TRPM3: variants seen among roughly 807,000 people sequenced by gnomAD.
TRPM3 encodes the protein transient receptor potential cation channel subfamily M member 3.
TRPM3 carries 77 observed loss-of-function variants against 181.2 expected under a neutral mutation model. The ratio of observed to expected loss-of-function variants is 0.42; its 90% CI spans 0.35 to 0.51. The LOEUF (loss-of-function observed/expected upper bound fraction) is 0.51. Among genes scored for constraint, TRPM3 ranks in the 20% least tolerant of loss-of-function variants. The pLI is 0.01. For synonymous variants in TRPM3, 745 were observed against 796.4 expected, an observed-to-expected ratio of 0.94 and a Z score of 1.09; for missense variants, 1,759 against 2,196.7, an observed-to-expected ratio of 0.80 and a Z score of 3.98.
At chr9:70,633,458 G>C (rs572372717) in intron 12 of TRPM3, among the ~76,000 whole-genome samples, 1 of 152,288 alleles carries the variant, frequency 6.6e-6, no homozygotes, top group South Asian at 2.1e-4. Context: ...AGTGGTTGTT[G>C]AGTTGGGAGT....
intron 1 of TRPM3, among the ~76,000 whole-genome samples, chr9:71,303,111 AC>A (rs34065498): frequency 6.6e-6 from 1 of 151,970 alleles, no homozygotes; most frequent in African/African-American, 2.4e-5. Flanking sequence ...CTTCCTGGAC[AC>A]CCCACCCCAT....
At chr9:70,545,349 C>T (rs1363240925) in intron 25 of TRPM3, among the ~76,000 whole-genome samples, 1 of 151,976 alleles carries the variant, frequency 6.6e-6, no homozygotes, top group African/African-American at 2.4e-5. Context: ...TTAGGCACCA[C>T]GTTTAAAAGA....
At chr9:70,664,663 T>G (rs2061593579) in intron 9 of TRPM3, among the ~76,000 whole-genome samples, 1 of 132,706 alleles carries the variant, frequency 7.5e-6, no homozygotes. Flanking sequence ...TTTTTTTTTT[T>G]TTTTTGAGAC....
At chr9:71,158,148 GA>G (rs1302469473) in intron 1 of TRPM3, among the ~76,000 whole-genome samples, 2 of 152,066 alleles carry the variant, frequency 1.3e-5, no homozygotes, top group Non-Finnish European at 2.9e-5. Flanking sequence ...AGCACAAAAA[GA>G]AAAGATCCTA....
intron 1 of TRPM3, among the ~76,000 whole-genome samples, chr9:71,062,192 C>T (rs752653427): frequency 6.6e-6 from 1 of 152,108 alleles, no homozygotes; most frequent in Admixed American, 6.6e-5. Flanking sequence ...ACCCCCAATG[C>T]TACTTCCCTA....
chr9:71,282,573 AT>A (rs890291056), intron 1 of TRPM3, among the ~76,000 whole-genome samples: 33 of 151,962 alleles, frequency 2.2e-4, no homozygotes, highest in Non-Finnish European at 4.6e-4. Flanking sequence ...TAAAATTGTT[AT>A]TTTTTTTAGA....
intron 1 of TRPM3, among the ~76,000 whole-genome samples, chr9:71,282,835 T>C (rs1203442330): frequency 6.6e-6 from 1 of 152,150 alleles, no homozygotes; most frequent in Non-Finnish European, 1.5e-5. Flanking sequence ...CAATAAGACC[T>C]AAGGTATGTG....
Position 71,443,305 on chromosome 9 carries a change from G to A in TRPM3, c.183+3348C>T, listed in dbSNP as rs192017038. 1.2e-4 allele frequency among the ~76,000 whole-genome samples: 18 copies of A among 151,846 alleles called. No individual in the cohort carries two copies. The East Asian group carries it at 3.1e-3, about 26-fold the overall frequency. On this transcript the variant is annotated intron_variant, in intron 1 of 24. Transcript: ENST00000357533. ...AACCATGAAGCCTTAAAATATGGGA[G>A]AGAAGATGTTTCCTGAATTACAAAA... is the stretch of plus-strand genomic sequence containing the variant.
chr9:70,643,253 A>C (rs1037895122), intron 9 of TRPM3, among the ~76,000 whole-genome samples: 1 of 152,208 alleles, frequency 6.6e-6, no homozygotes, highest in African/African-American at 2.4e-5. Flanking sequence ...TTGCGATTGC[A>C]TTTGGAAAGG....
At position 70,938,066 on chromosome 9, in the gene TRPM3, CTGTTAGGATG is replaced by C. The variant is rs1261923102; in HGVS notation, c.178-73565_178-73556del. ...TAACCATTTTTCAGGACTTCGAAAT[CTGTTAGGATG>C]TGGAATAGGACATGGGTCTGTATCA... On this transcript the variant is annotated intron_variant, in intron 1 of 25. Coordinates refer to ENST00000677713, the MANE Select transcript of TRPM3 (RefSeq NM_001366145.2). Among the ~76,000 whole-genome samples the C allele has an allele frequency of 5.9e-5, 9 of 152,278 alleles. No homozygotes were observed. The South Asian group carries it at 1.9e-3, about 32-fold the overall frequency.
intron 1 of TRPM3, among the ~76,000 whole-genome samples, chr9:71,331,244 C>A (rs2090085126): frequency 6.6e-6 from 1 of 151,726 alleles, no homozygotes; most frequent in South Asian, 2.1e-4. Flanking sequence ...ATAACAGAAA[C>A]TCATTTTAAA....
intron 22 of TRPM3, among the ~76,000 whole-genome samples, chr9:70,573,972 TCA>T (rs59193514): frequency 0.052 from 7,292 of 140,784 alleles, 273 homozygotes; most frequent in African/African-American, 0.11. Context: ...GCAATTCATT[TCA>T]CACACACACA....
At chr9:71,215,842 A>G (rs1279395295) in intron 1 of TRPM3, among the ~76,000 whole-genome samples, 1 of 152,190 alleles carries the variant, frequency 6.6e-6, no homozygotes, top group Non-Finnish European at 1.5e-5. Context: ...CAGACAGTTC[A>G]GGGCAGAACA....
At chr9:71,030,293 T>G (rs1486401542) in intron 1 of TRPM3, among the ~76,000 whole-genome samples, 1 of 152,156 alleles carries the variant, frequency 6.6e-6, no homozygotes, top group Non-Finnish European at 1.5e-5. Flanking sequence ...GACCAGGCAC[T>G]GTGGCTCACA....
At chr9:70,590,977 C>T (rs755052296) in intron 22 of TRPM3, 54 bp downstream of exon 22, 24 of 1,610,234 alleles carry the variant, frequency 1.5e-5, no homozygotes, top group South Asian at 5.5e-5. Flanking sequence ...AAGACATAAC[C>T]GAATTGAATT....
intron 1 of TRPM3, among the ~76,000 whole-genome samples, chr9:71,370,761 A>G (rs370345626): frequency 1.3e-5 from 2 of 152,230 alleles, no homozygotes; most frequent in South Asian, 2.1e-4. Context: ...CATATTCCCA[A>G]TGAAGACAAA....
Position 70,531,870 on chromosome 9 carries a change from G to A in TRPM3, c.*4083C>T, listed in dbSNP as rs2040924519. 1 of 151,998 alleles carries A rather than the reference G, an allele frequency of 6.6e-6. No homozygotes were observed. The highest frequency in any genetic ancestry group is 6.6e-5 in the Admixed American group (1 of 15,226). The allele number at this position is 151,998 out of a possible 1,614,324, so 9.4% of individuals were successfully genotyped here. On this transcript the variant is annotated 3_prime_UTR_variant, in exon 26 of 26. Transcript: ENST00000677713. ...CACACATATTTTACAGTGGTCCAAA[G>A]GAACATGAAAAGCATCAAGCAGATC...
chr9:71,129,819 A>C (rs1042035434), intron 1 of TRPM3, among the ~76,000 whole-genome samples: 9 of 152,290 alleles, frequency 5.9e-5, no homozygotes, highest in South Asian at 2.1e-4. Context: ...AGCACAGAAG[A>C]AGCAGTGGTT....
At chr9:70,692,350 G>A (rs1178577894) in intron 8 of TRPM3, among the ~76,000 whole-genome samples, 3 of 152,160 alleles carry the variant, frequency 2.0e-5, no homozygotes, top group South Asian at 2.1e-4. Flanking sequence ...TATGAGTCCT[G>A]TTCTATATTT....
Sources: gnomAD v4.1 joint callset for allele counts (sites outside exome capture counted in the v4.1 genomes callset) on GRCh38, gnomAD v4.1.1 for gene constraint, MANE v1.5 for transcripts, NCBI Gene and HGNC (gene_info 2026-07-23, HGNC 2026-07-21) for gene names.